The following CHRM3 variants were observed in gnomAD, a reference collection of about 807,000 sequenced individuals.
CHRM3 encodes the protein muscarinic acetylcholine receptor M3.
In CHRM3, 11 loss-of-function variants were observed where a neutral mutation model predicts 41.8. That is an observed-to-expected ratio of 0.26 (90% CI 0.17 to 0.44). CHRM3 has a LOEUF of 0.44. Ranked by LOEUF, CHRM3 falls within the 20% of genes least tolerant of loss-of-function variation. The pLI is 1.00. For synonymous variants in CHRM3, 297 were observed against 301.4 expected (o/e 0.99, Z 0.15); for missense variants, 571 against 745.4 (o/e 0.77, Z 2.72).
intron 6 of CHRM3, among the ~76,000 whole-genome samples, chr1:239,893,224 A>G (rs1294435067): frequency 6.6e-6 from 1 of 152,364 alleles, no homozygotes. Context: ...GTCATTTTGC[A>G]AAAGAACACA....
intron 2 of CHRM3, among the ~76,000 whole-genome samples, chr1:239,517,951 C>T (rs998249879): frequency 6.6e-6 from 1 of 152,014 alleles, no homozygotes; most frequent in Admixed American, 6.6e-5. Flanking sequence ...ACTAAAAATA[C>T]AAAAATTAGC....
intron 5 of CHRM3, among the ~76,000 whole-genome samples, chr1:239,715,676 TG>T (rs1365919385): frequency 1.3e-5 from 2 of 151,892 alleles, no homozygotes; most frequent in Non-Finnish European, 2.9e-5. Flanking sequence ...AGAGTAAAAG[TG>T]GGAAGATTAG....
chr1:239,863,438 A>G lies in CHRM3; in HGVS notation c.-20+36060A>G, dbSNP rs151012933. Reference sequence around the variant, plus strand: ...AGACTCACAATGCCCAAGAGAGCACATAAGGTTCTGTGTCACTTTGCCATA... The same window carrying G: ...AGACTCACAATGCCCAAGAGAGCACGTAAGGTTCTGTGTCACTTTGCCATA... On this transcript the variant is annotated intron_variant, in intron 6 of 6. Transcript: ENST00000676153. Among the ~76,000 whole-genome samples, 194 of 152,272 alleles carry G rather than the reference A, an allele frequency of 1.3e-3. 1 individual carries two copies. The East Asian group carries it at 0.034, about 27-fold the overall frequency.
intron 4 of CHRM3, among the ~76,000 whole-genome samples, chr1:239,647,911 G>GA (rs1047348039): frequency 2.6e-5 from 4 of 151,290 alleles, no homozygotes; most frequent in South Asian, 4.2e-4. Flanking sequence ...CTACAAAATG[G>GA]AAAAAAAATA....
At chr1:239,591,175 G>A (rs1479564353) in intron 3 of CHRM3, among the ~76,000 whole-genome samples, 1 of 152,092 alleles carries the variant, frequency 6.6e-6, no homozygotes, top group Non-Finnish European at 1.5e-5. Flanking sequence ...TTTGACCAGC[G>A]GCTGTGCACC....
chr1:239,662,406 C>T (rs1269008309), intron 4 of CHRM3, among the ~76,000 whole-genome samples: 24 of 152,060 alleles, frequency 1.6e-4, no homozygotes, highest in Non-Finnish European at 2.6e-4. Context: ...TTAACCCAAA[C>T]GATGTGGATG....
chr1:239,760,128 T>A (rs544865308), intron 5 of CHRM3, among the ~76,000 whole-genome samples: 1 of 151,814 alleles, frequency 6.6e-6, no homozygotes, highest in African/African-American at 2.4e-5. Flanking sequence ...GGTTTCACCG[T>A]GTTAGCCAGG....
At chr1:239,726,943 C>A (rs1442528560) in intron 5 of CHRM3, among the ~76,000 whole-genome samples, 1 of 151,874 alleles carries the variant, frequency 6.6e-6, no homozygotes, top group East Asian at 1.9e-4. Flanking sequence ...CTACCATTAA[C>A]AATAGAACTA....
intron 6 of CHRM3, among the ~76,000 whole-genome samples, chr1:239,873,659 C>A (rs1676787558): frequency 6.6e-6 from 1 of 152,238 alleles, no homozygotes; most frequent in African/African-American, 2.4e-5. Flanking sequence ...TTTAGCAGAT[C>A]TCTTGTTATT....
chr1:239,540,363 C>T (rs1309235389), intron 2 of CHRM3, among the ~76,000 whole-genome samples: 3 of 152,098 alleles, frequency 2.0e-5, no homozygotes, highest in African/African-American at 7.2e-5. Context: ...TTAAATGACT[C>T]CATTTCAGAG....
At chr1:239,689,706 T>C (rs1659522383) in intron 5 of CHRM3, among the ~76,000 whole-genome samples, 1 of 152,178 alleles carries the variant, frequency 6.6e-6, no homozygotes. Flanking sequence ...TAGGCATTGA[T>C]GCTAACACAG....
At chr1:239,609,618 GA>G (rs1330082891) in intron 3 of CHRM3, among the ~76,000 whole-genome samples, 1 of 152,158 alleles carries the variant, frequency 6.6e-6, no homozygotes, top group Non-Finnish European at 1.5e-5. Flanking sequence ...AGCAGCAGAT[GA>G]CAATTCCAGT....
At chr1:239,903,241 G>T (rs552207288) in intron 6 of CHRM3, among the ~76,000 whole-genome samples, 1 of 152,092 alleles carries the variant, frequency 6.6e-6, no homozygotes, top group Non-Finnish European at 1.5e-5. Flanking sequence ...GGCTAATTTC[G>T]AAAATTTTTA....
chr1:239,577,795 A>G (rs1662512684), intron 3 of CHRM3, among the ~76,000 whole-genome samples: 4 of 152,160 alleles, frequency 2.6e-5, no homozygotes, highest in Admixed American at 2.0e-4. Flanking sequence ...TGTTCAGACC[A>G]TGCATTATCT....
At chr1:239,586,728 A>G (rs1020549023) in intron 3 of CHRM3, among the ~76,000 whole-genome samples, 68 of 152,290 alleles carry the variant, frequency 4.5e-4, no homozygotes, top group Admixed American at 6.5e-5. Context: ...AAAAAGTGCT[A>G]TAAGACTCTA....
intron 1 of CHRM3, among the ~76,000 whole-genome samples, chr1:239,454,424 G>A (rs770546485): frequency 2.6e-5 from 4 of 152,060 alleles, no homozygotes; most frequent in East Asian, 3.9e-4. Flanking sequence ...CTCTCCAGGC[G>A]AGCCACCTTC....
At chr1:239,570,703 C>T (rs1661749442) in intron 3 of CHRM3, among the ~76,000 whole-genome samples, 1 of 151,982 alleles carries the variant, frequency 6.6e-6, no homozygotes, top group South Asian at 2.1e-4. Flanking sequence ...TGAAATGGTA[C>T]AGGATGGTCC....
chr1:239,899,342 A>T (rs1313775662), intron 6 of CHRM3, among the ~76,000 whole-genome samples: 1 of 145,818 alleles, frequency 6.9e-6, no homozygotes, highest in Non-Finnish European at 1.5e-5. Flanking sequence ...TATTGAATTT[A>T]GTGTGTGTGT....
intron 5 of CHRM3, among the ~76,000 whole-genome samples, chr1:239,766,730 G>C (rs1168063772): frequency 2.9e-5 from 4 of 136,384 alleles, no homozygotes; most frequent in Non-Finnish European, 6.3e-5. Context: ...ATTTTTCTTT[G>C]AGACAGAATC....
Sources: gnomAD v4.1 joint callset for allele counts (sites outside exome capture counted in the v4.1 genomes callset) on GRCh38, gnomAD v4.1.1 for gene constraint, MANE v1.5 for transcripts, NCBI Gene and HGNC (gene_info 2026-07-23, HGNC 2026-07-21) for gene names.